TTN: variants seen among roughly 807,000 people sequenced by gnomAD.
TTN encodes titin.
TTN carries 1,525 observed loss-of-function variants against 3,223.0 expected under a neutral mutation model. That is an observed-to-expected ratio of 0.47 (90% CI 0.45 to 0.49). The LOEUF (loss-of-function observed/expected upper bound fraction) is 0.49. Ranked by LOEUF, TTN falls within the 20% of genes least tolerant of loss-of-function variation. TTN has a pLI of 0.00. For missense variants in TTN, 40,786 were observed against 43,424.0 expected, an observed-to-expected ratio of 0.94 and a Z score of 5.40; for synonymous variants, 14,094 against 15,161.0, an observed-to-expected ratio of 0.93 and a Z score of 5.17.
At chr2:178,664,215 C>A in intron 168 of TTN, 117 bp from the exon 169 acceptor site, 1 of 1,044,338 alleles carries the variant, frequency 9.6e-7, no homozygotes. Context: ...TCAGTGGTAA[C>A]AAGTTCCCAT....
At position 178,667,642 on chromosome 2, in the gene TTN, T is replaced by C. The variant is rs1221497061; in HGVS notation, c.35625A>G (p.Ala11875=). The C allele has an allele frequency of 6.3e-7, 1 of 1,596,232 alleles. No homozygotes were observed. Among genetic ancestry groups the C allele is most frequent in the African/African-American group, 1.3e-5 (1 of 74,818 alleles). Residue 11875 remains alanine, a synonymous_variant, in exon 160 of 363, where the codon GCA becomes GCG. Transcript: ENST00000589042. ...TQPQKTKPKL[A]KVPEPPKKVV... Reference sequence around the variant, plus strand: ...TGGATCATTGGTGTTATATACCTTTTGCTAGTTTGGGTTTTGTCTTTTGAG... The same window carrying C: ...TGGATCATTGGTGTTATATACCTTTCGCTAGTTTGGGTTTTGTCTTTTGAG...
intron 134 of TTN, 127 bp from the exon 135 acceptor site, chr2:178,683,030 CTGTT>C: frequency 9.2e-7 from 1 of 1,088,566 alleles, no homozygotes; most frequent in Non-Finnish European, 1.3e-6. Flanking sequence ...GAGACCCTGA[CTGTT>C]CTTTTTTGGC....
intron 46 of TTN, 173 bp from the exon 47 acceptor site, chr2:178,753,353 T>C (rs1017959090): frequency 1.2e-5 from 6 of 509,446 alleles, no homozygotes; most frequent in African/African-American, 3.9e-5. Context: ...ATAAAACACA[T>C]GACAATGTTG....
chr2:178,665,278 T>A lies in TTN; in HGVS notation c.36043+99A>T, dbSNP rs1210144963. On this transcript the variant is annotated intron_variant, in intron 165 of 362. Coordinates refer to ENST00000589042, the MANE Select transcript of TTN (RefSeq NM_001267550.2). ...AGACACTTAAAAGATATTAGTATGT[T>A]TATATTTAGAATTTATGAAGAGTAT... is the stretch of plus-strand genomic sequence containing the variant. 4 of 1,172,026 alleles carry A rather than the reference T, an allele frequency of 3.4e-6. No homozygotes were observed. The East Asian group carries it at 9.4e-5, about 28-fold the overall frequency. 72.6% of individuals were successfully genotyped at this position (1,172,026 alleles called of 1,614,324 possible). A position where few individuals can be genotyped will look rare whatever the true frequency, so the allele number is the denominator to read the frequency against.
Position 178,694,872 on chromosome 2 carries a change from C to A in TTN, c.31305G>T (p.Lys10435Asn), listed in dbSNP as rs1263021352. The A allele has an allele frequency of 6.4e-7, 1 of 1,559,190 alleles. No individual in the cohort carries two copies. The highest frequency in any genetic ancestry group is 1.4e-5 in the African/African-American group (1 of 73,778). The change falls in exon 116 of 363, where the codon AAG (lysine) becomes AAT (asparagine). Residue 10435 changes from lysine to asparagine, a missense_variant. By Grantham distance (94) the Lys-to-Asn change is moderately conservative (BLOSUM62 0). Coordinates refer to ENST00000589042, the MANE Select transcript of TTN (RefSeq NM_001267550.2). ...IKKPVIEKIE[K>N]TSRRMEEEKV... ...TTTCTTCCTCCATTCTTCGAGAAGTCTTTTCAATTTTTTCAATTACTGGCT... is the reference window on the plus strand; with the variant it reads ...TTTCTTCCTCCATTCTTCGAGAAGTATTTTCAATTTTTTCAATTACTGGCT...
At position 178,547,563 on chromosome 2, in the gene TTN, C is replaced by G; in HGVS notation, c.94063G>C (p.Ala31355Pro). Residue 31355 changes from alanine to proline, a missense_variant, in exon 339 of 363, where the codon GCT becomes CCT. Transcript: ENST00000589042. Reference sequence around the variant, plus strand: ...ACACTGGAATTGACAAGCTGCCAAGCTGTTGTACCCGATTCACGCTTTTCA... The same window carrying G: ...ACACTGGAATTGACAAGCTGCCAAGGTGTTGTACCCGATTCACGCTTTTCA... Reference protein sequence around the residue: ...IVEKRESGTTAWQLVNSSVKR... With the variant: ...IVEKRESGTTPWQLVNSSVKR... 1 of 1,613,820 alleles carries G rather than the reference C, an allele frequency of 6.2e-7. No individual in the cohort carries two copies. The highest frequency in any genetic ancestry group is 8.5e-7 in the Non-Finnish European group (1 of 1,179,804).
chr2:178,674,255 C>T, intron 151 of TTN, 59 bp downstream of exon 151: 1 of 989,286 alleles, frequency 1.0e-6, no homozygotes, highest in South Asian at 1.4e-5. Flanking sequence ...GATTTAGCTA[C>T]TGAGAAAGAT....
chr2:178,634,949 T>C lies in TTN; in HGVS notation c.42025-100A>G. 1.4e-6 allele frequency: 2 copies of C among 1,411,694 alleles called. No homozygotes were observed. The highest frequency in any genetic ancestry group is 1.5e-5 in the South Asian group (1 of 68,764). 87.4% of individuals were successfully genotyped at this position (1,411,694 alleles called of 1,614,324 possible). ...TCTATAGAGTTTTAAAAATTACTAC[T>C]AATAAAAGTAAGCAGAGAATTCCCT... On this transcript the variant is annotated intron_variant, in intron 228 of 362. Coordinates refer to ENST00000589042, the MANE Select transcript of TTN (RefSeq NM_001267550.2). This position sits in a 1 kb window ranked among gnomAD's most constrained non-coding sequence, Gnocchi z 4.6.
At position 178,735,616 on chromosome 2, in the gene TTN, T is replaced by C. The variant is rs1479138931; in HGVS notation, c.14830A>G (p.Thr4944Ala). Residue 4944 changes from threonine to alanine, a missense_variant, in exon 50 of 363, where the codon ACA becomes GCA. Thr to Ala is a moderately conservative substitution (Grantham distance 58). Transcript: ENST00000589042. ...YKICFEDKIA[T>A]LEIPLAKLKD... is the part of the protein sequence containing the mutation. ...AGTTTGGCCAAAGGAATCTCAAGTG[T>C]TGCTATTTTATCTTCAAAACAGATC... The C allele has an allele frequency of 9.3e-6, 15 of 1,613,660 alleles. No homozygotes were observed. The highest frequency in any genetic ancestry group is 1.3e-5 in the Non-Finnish European group (15 of 1,179,746).
chr2:178,739,237 C>A lies in TTN; in HGVS notation c.13996G>T (p.Val4666Leu). Residue 4666 changes from valine (V) to leucine (L), a missense_variant, in exon 48 of 363, where the codon GTA (valine) becomes TTA (leucine). Physicochemically the swap from Val to Leu is conservative, Grantham distance 32. Transcript: ENST00000589042. ...TCTCCTTGATGGTCTTCGGTATTTACTTTGTCGATGACTAGCGTATATGTA... is the reference window on the plus strand; with the variant it reads ...TCTCCTTGATGGTCTTCGGTATTTAATTTGTCGATGACTAGCGTATATGTA... The part of the protein sequence containing the change: ...QNTYTLVIDK[V>L]NTEDHQGEYV... 2 of 1,590,008 alleles carry A rather than the reference C, an allele frequency of 1.3e-6. No individual in the cohort carries two copies. The highest frequency in any genetic ancestry group is 1.7e-6 in the Non-Finnish European group (2 of 1,164,974).
chr2:178,726,137 A>T, intron 69 of TTN, 91 bp from the exon 70 acceptor site: 1 of 1,414,298 alleles, frequency 7.1e-7, no homozygotes. Flanking sequence ...AGAAAGGTTT[A>T]AGATATTCTA....
In TTN at chr2:178,605,306, A is replaced by G. The variant is rs533844520; in HGVS notation, c.53882-11T>C. The stretch of plus-strand genomic sequence containing the variant: ...TAATAGTTGGAGGCACTGCAAAGAG[A>G]AGAGAAAGAAAAACAGTAACAAAGT... On this transcript the variant is annotated splice_polypyrimidine_tract_variant and intron_variant, in intron 279 of 362. Transcript: ENST00000589042. 67 of 1,550,730 alleles carry G rather than the reference A, an allele frequency of 4.3e-5. 1 individual carries two copies. The highest frequency in any genetic ancestry group is 5.8e-5 in the Non-Finnish European group (67 of 1,151,438).
chr2:178,750,309 G>A, intron 47 of TTN: 3 of 1,613,146 alleles, frequency 1.9e-6, no homozygotes, highest in Non-Finnish European at 2.5e-6. Context: ...TTCACTTTAA[G>A]CATACTGGTT....
In TTN at chr2:178,573,995, G is replaced by A. The variant is rs146767076; in HGVS notation, c.72137C>T (p.Ala24046Val). Residue 24046 changes from alanine (A) to valine (V), a missense_variant, in exon 326 of 363, where the codon GCA becomes GTA. Coordinates refer to ENST00000589042, the MANE Select transcript of TTN (RefSeq NM_001267550.2). ...TGAAACATCAGCTTCCAGTCTGAAT[G>A]CTTCACCTGCTTTTAATATAACCGT... is the stretch of plus-strand genomic sequence containing the variant. Reference protein sequence around the residue: ...KDTVILKAGEAFRLEADVSGR... With the variant: ...KDTVILKAGEVFRLEADVSGR... 2.4e-4 allele frequency: 382 copies of A among 1,613,350 alleles called. 1 individual carries two copies. The African/African-American group carries it at 4.5e-3, about 19-fold the overall frequency.
Position 178,799,509 on chromosome 2 carries a change from C to T in TTN, c.892G>A (p.Ala298Thr). The T allele has an allele frequency of 6.2e-7, 1 of 1,614,128 alleles. No homozygotes were observed. The highest frequency in any genetic ancestry group is 8.5e-7 in the Non-Finnish European group (1 of 1,180,008). The change falls in exon 6 of 363, where the codon GCA (alanine) becomes ACA (threonine). Residue 298 changes from alanine to threonine, a missense_variant. Transcript: ENST00000589042. The stretch of plus-strand genomic sequence containing the variant: ...TACCTGACCGGAGATGGGGTCGGTG[C>T]CCGCACGTGTCTGACCGGGGAAGGG... The part of the protein sequence containing the change: ...HSPSPVRHVR[A>T]PTPSPVRSVS...
At chr2:178,724,662 T>A in intron 71 of TTN, 124 bp from the exon 72 acceptor site, 1 of 963,980 alleles carries the variant, frequency 1.0e-6, no homozygotes, top group Non-Finnish European at 1.4e-6. Flanking sequence ...TCTCTCGACT[T>A]TAAAGTGTGA....
chr2:178,674,540 A>G (rs2154266539), intron 150 of TTN, 131 bp from the exon 151 acceptor site: 1 of 459,994 alleles, frequency 2.2e-6, no homozygotes, highest in Non-Finnish European at 3.7e-6. Flanking sequence ...AAAAATCTCT[A>G]CTGGGTCTTC....
Position 178,611,186 on chromosome 2 carries a change from G to A in TTN, c.50943C>T (p.Val16981=), listed in dbSNP as rs1467041468. The change falls in exon 270 of 363, where the codon GTC becomes GTT. Residue 16981 remains valine (V), a synonymous_variant. Transcript: ENST00000589042. ...KLSIPVPFRA[V]PVPTVSWHKD... is the part of the protein sequence containing the mutation. ...TATGCCAACTAACAGTTGGAACTGG[G>A]ACAGCTCTGAAGGGAACAGGAATGC... The A allele has an allele frequency of 6.2e-7, 1 of 1,612,658 alleles. No homozygotes were observed. Among genetic ancestry groups the A allele is most frequent in the East Asian group, 2.2e-5 (1 of 44,610 alleles).
At chr2:178,781,430 C>A (rs1199657662) in intron 20 of TTN, among the ~76,000 whole-genome samples, 167 bp from the exon 21 acceptor site, 1 of 151,994 alleles carries the variant, frequency 6.6e-6, no homozygotes, top group African/African-American at 2.4e-5. Flanking sequence ...GAGAAAAATG[C>A]AAGAACATGA....
Sources: gnomAD v4.1 joint callset for allele counts (sites outside exome capture counted in the v4.1 genomes callset) on GRCh38, gnomAD v4.1.1 for gene constraint, Gnocchi (gnomAD v3.1) non-coding constraint, MANE v1.5 for transcripts, NCBI Gene and HGNC (gene_info 2026-07-23, HGNC 2026-07-21) for gene names.